Variants in TMPRSS6 observed in about 807,000 individuals in gnomAD.
TMPRSS6 encodes the protein transmembrane serine protease 6.
In TMPRSS6, 67 loss-of-function variants were observed where a neutral mutation model predicts 101.5. The ratio of observed to expected loss-of-function variants is 0.66; its 90% CI spans 0.54 to 0.81. The LOEUF (loss-of-function observed/expected upper bound fraction) is 0.81. TMPRSS6 is among the 30% of genes least tolerant of loss of function. The pLI is 0.00. For missense variants in TMPRSS6, 1,034 were observed against 1,088.7 expected (o/e 0.95, Z 0.71); for synonymous variants, 453 against 464.9 (o/e 0.97, Z 0.33).
Position 37,069,496 on chromosome 22 carries a change from C to G in TMPRSS6, c.1842-152G>C. On this transcript the variant is annotated intron_variant, in intron 15 of 17. Coordinates refer to ENST00000676104, the MANE Select transcript of TMPRSS6 (RefSeq NM_001374504.1). The surrounding 1 kb of genome is among the most constrained non-coding windows in gnomAD (Gnocchi z 4.8). Reference sequence around the variant, plus strand: ...CCTTCCCTCCCTGAAGGTCGCCTAGCTGGTGGTACAGCGTTCAGCCTTCAC... The same window carrying G: ...CCTTCCCTCCCTGAAGGTCGCCTAGGTGGTGGTACAGCGTTCAGCCTTCAC... The G allele has an allele frequency of 3.7e-6, 3 of 816,590 alleles. No homozygotes were observed. Among genetic ancestry groups the G allele is most frequent in the Non-Finnish European group, 5.7e-6 (3 of 522,394 alleles). 50.6% of individuals were successfully genotyped at this position (816,590 alleles called of 1,614,324 possible).
chr22:37,098,078 G>A (rs988956359), intron 3 of TMPRSS6, among the ~76,000 whole-genome samples: 6 of 151,246 alleles, frequency 4.0e-5, no homozygotes, highest in African/African-American at 7.3e-5. Flanking sequence ...GCGGGCCACC[G>A]TCCTGTAACG....
At chr22:37,074,123 T>TG (rs1443384664) in intron 12 of TMPRSS6, among the ~76,000 whole-genome samples, 6 of 152,238 alleles carry the variant, frequency 3.9e-5, no homozygotes, top group African/African-American at 1.4e-4. Flanking sequence ...TGGAAACAGA[T>TG]GAGGTGACTT....
chr22:37,076,152 T>C (rs1927654951), intron 10 of TMPRSS6, among the ~76,000 whole-genome samples: 1 of 152,196 alleles, frequency 6.6e-6, no homozygotes, highest in African/African-American at 2.4e-5. Flanking sequence ...AATGTGTCAG[T>C]TGAGGCAAAA....
At chr22:37,074,288 G>T (rs977684037) in intron 12 of TMPRSS6, among the ~76,000 whole-genome samples, 31 of 152,212 alleles carry the variant, frequency 2.0e-4, no homozygotes, top group Non-Finnish European at 4.4e-5. Flanking sequence ...GGGCAGAGGA[G>T]GGGGACATCT....
Position 37,069,091 on chromosome 22 carries a change from C to T in TMPRSS6, c.2095G>A (p.Gly699Ser), listed in dbSNP as rs769509641. 1.9e-6 allele frequency: 3 copies of T among 1,547,148 alleles called. No homozygotes were observed. Among genetic ancestry groups the T allele is most frequent in the African/African-American group, 1.4e-5 (1 of 73,402 alleles). The stretch of plus-strand genomic sequence containing the variant: ...TGCTCACCGCCCTCGCGCAAGGCGC[C>T]CCAGCCCGTAATCCAGCAGTGCAGG... The part of the protein sequence containing the change: ...PGLHCWITGW[G>S]ALREGGPISN... The change falls in exon 16 of 18, where the codon GGC becomes AGC. Residue 699 changes from glycine (G) to serine (S), a missense_variant. Physicochemically the swap from Gly to Ser is moderately conservative, Grantham distance 56. Coordinates refer to ENST00000676104, the MANE Select transcript of TMPRSS6 (RefSeq NM_001374504.1). The surrounding 1 kb of genome is among the most constrained non-coding windows in gnomAD (Gnocchi z 4.8).
rs1314750246 is a variant in TMPRSS6, at chr22:37,075,177, G to A, written c.1300C>T (p.Pro434Ser). Residue 434 changes from proline (P) to serine (S), a missense_variant, in exon 11 of 18, where the codon CCC (proline) becomes TCC (serine). Coordinates refer to ENST00000676104, the MANE Select transcript of TMPRSS6 (RefSeq NM_001374504.1). Reference sequence around the variant, plus strand: ...AAGCCATAGTGCACCCGCACACCGGGCCCGGTGAGGGAGATCTGGGAGGTG... The same window carrying A: ...AAGCCATAGTGCACCCGCACACCGGACCCGGTGAGGGAGATCTGGGAGGTG... ...NFTSQISLTG[P>S]GVRVHYGLYN... The A allele has an allele frequency of 1.2e-6, 2 of 1,613,962 alleles. No individual in the cohort carries two copies. The highest frequency in any genetic ancestry group is 1.7e-6 in the Non-Finnish European group (2 of 1,180,050).
At chr22:37,107,677 G>C (rs1490895962) in intron 1 of TMPRSS6, among the ~76,000 whole-genome samples, 1 of 152,000 alleles carries the variant, frequency 6.6e-6, no homozygotes, top group Non-Finnish European at 1.5e-5. Flanking sequence ...TAAAGACCCA[G>C]GGTCTCAGTT....
rs1159006430 is a variant in TMPRSS6 at position 37,073,381 on chromosome 22, T to G, written c.1555+151A>C. On this transcript the variant is annotated intron_variant, in intron 13 of 17. Coordinates refer to ENST00000676104, the MANE Select transcript of TMPRSS6 (RefSeq NM_001374504.1). ...ATGGATGGATGGATGGATGGATGGA[T>G]GGATGGATGGATGAATGGACAGACA... The G allele has an allele frequency of 4.9e-6, 3 of 615,074 alleles. No homozygotes were observed. The African/African-American group carries it at 5.5e-5, about 11-fold the overall frequency. The allele number at this position is 615,074 out of a possible 1,614,324, so 38.1% of individuals were successfully genotyped here. A position where few individuals can be genotyped will look rare whatever the true frequency, so the allele number is the denominator to read the frequency against.
chr22:37,081,437 A>T (rs1390703948), intron 10 of TMPRSS6, among the ~76,000 whole-genome samples: 2 of 152,216 alleles, frequency 1.3e-5, no homozygotes, highest in Non-Finnish European at 2.9e-5. Context: ...CCTGACTTGG[A>T]ATGGCGTTTG....
At chr22:37,104,448 G>T (rs951868547) in intron 1 of TMPRSS6, among the ~76,000 whole-genome samples, 30 of 152,252 alleles carry the variant, frequency 2.0e-4, no homozygotes, top group African/African-American at 7.2e-4. Flanking sequence ...AACAAATCAT[G>T]ATTAAATAGC....
At chr22:37,095,785 C>T in intron 5 of TMPRSS6, 121 bp downstream of exon 5, 2 of 1,386,578 alleles carry the variant, frequency 1.4e-6, no homozygotes, top group Non-Finnish European at 2.0e-6. Flanking sequence ...CTGGGGGGCT[C>T]TCCTGGGGGG....
intron 16 of TMPRSS6, among the ~76,000 whole-genome samples, chr22:37,068,009 T>G (rs1367217391): frequency 1.3e-5 from 2 of 152,200 alleles, no homozygotes; most frequent in Non-Finnish European, 2.9e-5. Context: ...TGTTGCCAAC[T>G]CATCTTCCAG....
chr22:37,070,432 C>A, intron 15 of TMPRSS6, 52 bp downstream of exon 15: 7 of 1,609,284 alleles, frequency 4.3e-6, no homozygotes, highest in Non-Finnish European at 5.9e-6. Context: ...TCCCACCGGG[C>A]CTTCCCTGCC....
At chr22:37,076,962 A>T (rs569893631) in intron 10 of TMPRSS6, among the ~76,000 whole-genome samples, 5 of 152,328 alleles carry the variant, frequency 3.3e-5, no homozygotes, top group Admixed American at 2.0e-4. Context: ...CATGATTCCC[A>T]AGGGCCAGGC....
At chr22:37,107,614 T>C (rs1361990981) in intron 1 of TMPRSS6, among the ~76,000 whole-genome samples, 1 of 152,082 alleles carries the variant, frequency 6.6e-6, no homozygotes, top group Non-Finnish European at 1.5e-5. Context: ...GTTGTCACCA[T>C]GTGCCCTGCC....
chr22:37,095,752 A>G (rs1929695588), intron 5 of TMPRSS6, among the ~76,000 whole-genome samples, 154 bp downstream of exon 5: 2 of 152,020 alleles, frequency 1.3e-5, no homozygotes, highest in Non-Finnish European at 2.9e-5. Context: ...GGCTCCTTGA[A>G]TGCAATGGCA....
intron 10 of TMPRSS6, among the ~76,000 whole-genome samples, chr22:37,080,624 G>T (rs986154491): frequency 6.6e-6 from 1 of 152,264 alleles, no homozygotes; most frequent in Non-Finnish European, 1.5e-5. Flanking sequence ...GGCCCAGTGC[G>T]GATGGTTTGC....
rs895350928 is a variant in TMPRSS6 at position 37,101,454 on chromosome 22, C to G, written c.202+1762G>C. ...CCTCTCCTCGGGCCAGGCTGTCCTC[C>G]TCGCTTGGGGCCTGTCCTGCTCCAG... is the stretch of plus-strand genomic sequence containing the variant. On this transcript the variant is annotated intron_variant, in intron 2 of 17. Coordinates refer to ENST00000676104, the MANE Select transcript of TMPRSS6 (RefSeq NM_001374504.1). The surrounding 1 kb of genome is among the most constrained non-coding windows in gnomAD (Gnocchi z 4.1). Among the ~76,000 whole-genome samples the G allele has an allele frequency of 6.6e-6, 1 of 152,106 alleles. No homozygotes were observed. Among genetic ancestry groups the G allele is most frequent in the African/African-American group, 2.4e-5 (1 of 41,398 alleles).
chr22:37,071,631 C>T (rs1355932018), intron 13 of TMPRSS6, among the ~76,000 whole-genome samples: 1 of 152,254 alleles, frequency 6.6e-6, no homozygotes, highest in Non-Finnish European at 1.5e-5. Context: ...GAAGGCAGGG[C>T]CTGCATCTCT....
Sources: allele counts gnomAD v4.1 joint callset (sites outside exome capture counted in the v4.1 genomes callset), GRCh38; gene constraint gnomAD v4.1.1; non-coding constraint Gnocchi (gnomAD v3.1); transcripts MANE v1.5; gene names NCBI Gene and HGNC (gene_info 2026-07-23, HGNC 2026-07-21).